PDE4B: variants seen among roughly 807,000 people sequenced by gnomAD.
PDE4B encodes 3',5'-cyclic-AMP phosphodiesterase 4B.
In PDE4B, 20 loss-of-function variants were observed where a neutral mutation model predicts 82.2. The observed-to-expected ratio is 0.24, with a 90% CI of 0.17 to 0.35. The LOEUF is 0.35. Among genes scored for constraint, PDE4B ranks in the 10% least tolerant of loss-of-function variants. PDE4B has a pLI of 1.00. For synonymous variants in PDE4B, 320 were observed against 318.9 expected, an observed-to-expected ratio of 1.00 and a Z score of -0.04; for missense variants, 655 against 907.2, an observed-to-expected ratio of 0.72 and a Z score of 3.57.
intron 3 of PDE4B, among the ~76,000 whole-genome samples, chr1:65,936,112 C>T (rs1648121917): frequency 6.6e-6 from 1 of 151,796 alleles, no homozygotes. Context: ...TAGGTCCTTG[C>T]AGGATCAGGA....
At position 66,166,226 on chromosome 1, in the gene PDE4B, A is replaced by G. The variant is rs1646728633; in HGVS notation, c.282-81234A>G. Among the ~76,000 whole-genome samples the G allele has an allele frequency of 3.3e-5, 5 of 152,232 alleles. No individual in the cohort carries two copies. In the South Asian group the frequency reaches 8.3e-4, roughly 25 times the overall value. On this transcript the variant is annotated intron_variant, in intron 3 of 16. Coordinates refer to ENST00000341517, the MANE Select transcript of PDE4B (RefSeq NM_002600.4). ...TGGAATTGGACTTCTAATTTACTCCATGTACAAAAACTAACCAAAGTGAAT... is the reference window on the plus strand; with the variant it reads ...TGGAATTGGACTTCTAATTTACTCCGTGTACAAAAACTAACCAAAGTGAAT...
rs377040384 is a variant in PDE4B, at chr1:66,201,332, C to G, written c.282-46128C>G. On this transcript the variant is annotated intron_variant, in intron 3 of 16. Coordinates refer to ENST00000341517, the MANE Select transcript of PDE4B (RefSeq NM_002600.4). ...CTTTTTTGGTTGTGTCTCTGCCAGT[C>G]TTTGGTATCAGGATGATGCTGGCCT... is the stretch of plus-strand genomic sequence containing the variant. 5.9e-3 allele frequency among the ~76,000 whole-genome samples: 898 copies of G among 152,094 alleles called. 17 individuals are homozygous for G. The highest frequency in any genetic ancestry group is 0.041 in the East Asian group (214 of 5,180).
At chr1:65,951,477 G>A (rs956413261) in intron 3 of PDE4B, among the ~76,000 whole-genome samples, 7 of 152,050 alleles carry the variant, frequency 4.6e-5, no homozygotes, top group African/African-American at 1.4e-4. Flanking sequence ...AGTAAAAAAA[G>A]TGTCACCTCT....
chr1:65,886,835 A>T (rs138203028), intron 1 of PDE4B, among the ~76,000 whole-genome samples: 1 of 152,312 alleles, frequency 6.6e-6, no homozygotes, highest in African/African-American at 2.4e-5. Flanking sequence ...AGCGATAAAC[A>T]TGTAAGTGCA....
chr1:65,885,369 C>T (rs1646761424), intron 1 of PDE4B, among the ~76,000 whole-genome samples: 2 of 152,052 alleles, frequency 1.3e-5, no homozygotes, highest in Admixed American at 6.6e-5. Context: ...GGGTATATAC[C>T]CAAAGGATTA....
chr1:66,214,784 G>C (rs146014115), intron 3 of PDE4B, among the ~76,000 whole-genome samples: 19 of 152,038 alleles, frequency 1.2e-4, no homozygotes, highest in Admixed American at 4.6e-4. Flanking sequence ...TTAGATTTGG[G>C]ATAAATACCT....
At chr1:66,044,265 T>C (rs7546256) in intron 3 of PDE4B, among the ~76,000 whole-genome samples, 32,800 of 151,608 alleles carry the variant, frequency 0.22, 4,091 homozygotes, top group Middle Eastern at 0.36. Context: ...CTTTTAGGTA[T>C]ATGAATTTAC....
At chr1:65,884,187 G>A (rs2100353484) in intron 1 of PDE4B, among the ~76,000 whole-genome samples, 1 of 152,208 alleles carries the variant, frequency 6.6e-6, no homozygotes, top group Middle Eastern at 3.4e-3. Context: ...GAGTTAGGGA[G>A]GATTCCCTCG....
chr1:66,189,137 T>C (rs1252264190), intron 3 of PDE4B, among the ~76,000 whole-genome samples: 1 of 152,050 alleles, frequency 6.6e-6, no homozygotes, highest in Admixed American at 6.6e-5. Context: ...AAAATTCTTT[T>C]CTTTAAGAAT....
intron 3 of PDE4B, among the ~76,000 whole-genome samples, chr1:66,088,776 C>T (rs1423366990): frequency 6.6e-6 from 1 of 152,086 alleles, no homozygotes; most frequent in Non-Finnish European, 1.5e-5. Context: ...CCTCTTCCCC[C>T]ATCTCCAAGT....
chr1:65,823,972 C>T (rs1375476407), intron 1 of PDE4B, among the ~76,000 whole-genome samples: 4 of 152,138 alleles, frequency 2.6e-5, no homozygotes, highest in African/African-American at 4.8e-5. Flanking sequence ...TTCCCTTGTT[C>T]TCTTGACCAC....
chr1:66,190,833 G>A (rs1647735659), intron 3 of PDE4B, among the ~76,000 whole-genome samples: 2 of 152,020 alleles, frequency 1.3e-5, no homozygotes, highest in Non-Finnish European at 2.9e-5. Context: ...TCGGTGTGCT[G>A]CACGTGCTGT....
intron 3 of PDE4B, among the ~76,000 whole-genome samples, chr1:66,129,233 A>C (rs114113109): frequency 8.5e-5 from 13 of 152,258 alleles, no homozygotes; most frequent in Non-Finnish European, 1.8e-4. Context: ...ACATTTATAC[A>C]TTAAGAAGAC....
chr1:65,795,847 T>G lies in PDE4B; in HGVS notation c.-71+2599T>G, dbSNP rs182813817. 6.6e-5 allele frequency among the ~76,000 whole-genome samples: 10 copies of G among 152,364 alleles called. No individual in the cohort carries two copies. In the East Asian group the frequency reaches 1.7e-3, roughly 26 times the overall value. ...CAAGAAAATAGGGCTTTGAACTTCA[T>G]TTCAGAATTAGCTTGCCAGGGAAAC... On this transcript the variant is annotated intron_variant, in intron 1 of 16. Coordinates refer to ENST00000341517, the MANE Select transcript of PDE4B (RefSeq NM_002600.4).
chr1:65,870,735 C>T (rs767141699), intron 1 of PDE4B, among the ~76,000 whole-genome samples: 24 of 152,010 alleles, frequency 1.6e-4, no homozygotes, highest in East Asian at 3.8e-4. Flanking sequence ...ATCAGCAGTA[C>T]GACAAATATC....
At chr1:66,133,234 T>G (rs1645988784) in intron 3 of PDE4B, among the ~76,000 whole-genome samples, 1 of 152,170 alleles carries the variant, frequency 6.6e-6, no homozygotes, top group Non-Finnish European at 1.5e-5. Flanking sequence ...TCCCACAATA[T>G]AATGGTTCAC....
At chr1:65,796,678 C>A (rs1192893939) in intron 1 of PDE4B, among the ~76,000 whole-genome samples, 14 of 113,864 alleles carry the variant, frequency 1.2e-4, no homozygotes, top group African/African-American at 4.4e-4. Context: ...GAGACAGAGT[C>A]TCACTCTGTC....
At chr1:66,330,071 T>G (rs1659999644) in intron 7 of PDE4B, among the ~76,000 whole-genome samples, 1 of 152,234 alleles carries the variant, frequency 6.6e-6, no homozygotes, top group South Asian at 2.1e-4. Flanking sequence ...CACTCTAACC[T>G]CTGTGCCCAT....
chr1:65,931,074 ATGAG>A (rs2100517020), intron 3 of PDE4B, among the ~76,000 whole-genome samples: 1 of 152,280 alleles, frequency 6.6e-6, no homozygotes, highest in East Asian at 1.9e-4. Flanking sequence ...CCTCATGATA[ATGAG>A]TGAGTGAGTT....
Sources: allele counts gnomAD v4.1 joint callset (sites outside exome capture counted in the v4.1 genomes callset), GRCh38; gene constraint gnomAD v4.1.1; transcripts MANE v1.5; gene names NCBI Gene and HGNC (gene_info 2026-07-23, HGNC 2026-07-21).